KCNJ16: variants seen among roughly 807,000 people sequenced by gnomAD.
KCNJ16 encodes inward rectifier potassium channel 16.
A neutral mutation model predicts 18.5 loss-of-function variants in KCNJ16; 15 were observed. The observed-to-expected ratio is 0.81, with a 90% confidence interval of 0.54 to 1.25. The LOEUF is 1.25. KCNJ16 is among the 50% of genes most tolerant of loss of function. KCNJ16 has a pLI of 0.00. For missense variants in KCNJ16, 523 were observed against 525.7 expected (o/e 0.99, Z 0.05); for synonymous variants, 174 against 186.5 (o/e 0.93, Z 0.55).
At chr17:70,079,795 C>A (rs1254164920) in intron 1 of KCNJ16, among the ~76,000 whole-genome samples, 1 of 152,166 alleles carries the variant, frequency 6.6e-6, no homozygotes, top group Non-Finnish European at 1.5e-5. Flanking sequence ...CTCCGCCTCC[C>A]AGGTTCAAGC....
At chr17:70,087,632 G>A (rs1405754809) in intron 1 of KCNJ16, among the ~76,000 whole-genome samples, 5 of 152,030 alleles carry the variant, frequency 3.3e-5, no homozygotes, top group East Asian at 1.9e-4. Flanking sequence ...GCTTGAACCC[G>A]GGAGGCAGAG....
intron 1 of KCNJ16, among the ~76,000 whole-genome samples, chr17:70,078,699 A>T (rs1433701199): frequency 1.3e-5 from 2 of 152,204 alleles, no homozygotes; most frequent in Non-Finnish European, 2.9e-5. Context: ...AAGATAACAA[A>T]GATCTGGTCC....
At chr17:70,110,125 C>A (rs1276220759) in intron 2 of KCNJ16, among the ~76,000 whole-genome samples, 2 of 152,148 alleles carry the variant, frequency 1.3e-5, no homozygotes, top group African/African-American at 4.8e-5. Flanking sequence ...TCTTTTATCT[C>A]TAATTTGACA....
intron 1 of KCNJ16, among the ~76,000 whole-genome samples, chr17:70,080,512 T>C (rs1273504559): frequency 6.6e-6 from 1 of 152,206 alleles, no homozygotes; most frequent in Non-Finnish European, 1.5e-5. Context: ...ATTTGTCTTA[T>C]AGCCTCAAAT....
At position 70,132,155 on chromosome 17, in the gene KCNJ16, A is replaced by C. The variant is rs780904373; in HGVS notation, c.68A>C (p.Glu23Ala). Residue 23 changes from glutamate to alanine, a missense_variant, in exon 4 of 4, where the codon GAG (glutamate) becomes GCG (alanine). By Grantham distance (107) the Glu-to-Ala change is moderately radical. Transcript: ENST00000392671. ...GCAAAATACCCAGGCTACCCGCCAG[A>C]GCACATTATAGCTGAGAAGAGAAGA... ...ADAKYPGYPPEHIIAEKRRAR... is the reference protein window; with the variant it reads ...ADAKYPGYPPAHIIAEKRRAR... 3.1e-6 allele frequency: 5 copies of C among 1,614,104 alleles called. No individual in the cohort carries two copies. Among genetic ancestry groups the C allele is most frequent in the Non-Finnish European group, 4.2e-6 (5 of 1,180,042 alleles).
In KCNJ16 at chr17:70,132,468, G is replaced by T. The variant is rs764901446; in HGVS notation, c.381G>T (p.Glu127Asp). 5 of 1,613,956 alleles carry T rather than the reference G, an allele frequency of 3.1e-6. No individual in the cohort carries two copies. The highest frequency in any genetic ancestry group is 4.2e-6 in the Non-Finnish European group (5 of 1,180,030). The change falls in exon 4 of 4, where the codon GAG becomes GAT. Residue 127 changes from glutamate (E) to aspartate (D), a missense_variant. Coordinates refer to ENST00000392671, the MANE Select transcript of KCNJ16 (RefSeq NM_170741.4). ...SFTGAFLFSL[E>D]TQTTIGYGYR... ...CAGGGGCCTTTTTGTTCTCCCTAGA[G>T]ACCCAAACCACCATAGGATATGGTT...
At chr17:70,110,482 G>GCACACACACACACACA (rs34424075) in intron 2 of KCNJ16, among the ~76,000 whole-genome samples, 20 of 149,878 alleles carry the variant, frequency 1.3e-4, no homozygotes, top group Middle Eastern at 6.9e-3. Flanking sequence ...CTTCGTGCGC[G>GCACACACACACACACA]CACACACACA....
chr17:70,117,963 G>C (rs1316842796), intron 2 of KCNJ16, among the ~76,000 whole-genome samples: 1 of 152,158 alleles, frequency 6.6e-6, no homozygotes, highest in Admixed American at 6.6e-5. Context: ...AATATTTTAA[G>C]CTTTGTGGAC....
chr17:70,097,991 T>C (rs2072456631), intron 1 of KCNJ16, among the ~76,000 whole-genome samples: 1 of 152,180 alleles, frequency 6.6e-6, no homozygotes, highest in South Asian at 2.1e-4. Context: ...GCTAATCAGA[T>C]TGTGTTAGTC....
chr17:70,082,497 T>C (rs944500237), intron 1 of KCNJ16, among the ~76,000 whole-genome samples: 2 of 152,152 alleles, frequency 1.3e-5, no homozygotes, highest in East Asian at 1.9e-4. Flanking sequence ...TAATTGAACA[T>C]GTGGAGAGCA....
At chr17:70,120,808 A>T (rs2073605420) in intron 2 of KCNJ16, among the ~76,000 whole-genome samples, 1 of 152,218 alleles carries the variant, frequency 6.6e-6, no homozygotes, top group South Asian at 2.1e-4. Flanking sequence ...TTACAACTCA[A>T]CATGAGATTT....
At chr17:70,131,191 T>C (rs1417098416) in intron 3 of KCNJ16, among the ~76,000 whole-genome samples, 1 of 115,538 alleles carries the variant, frequency 8.7e-6, no homozygotes, top group Non-Finnish European at 1.6e-5. Context: ...GAGCTGCCAG[T>C]GTCAAAAAAA....
At chr17:70,092,531 CAGATAGATAT>C (rs1383664707) in intron 1 of KCNJ16, among the ~76,000 whole-genome samples, 2 of 100,046 alleles carry the variant, frequency 2.0e-5, no homozygotes, top group African/African-American at 8.9e-5. Context: ...GATACATAGA[CAGATAGATAT>C]AGATAGATAT....
chr17:70,122,812 G>A (rs944161415), intron 2 of KCNJ16, among the ~76,000 whole-genome samples: 53 of 152,036 alleles, frequency 3.5e-4, no homozygotes, highest in African/African-American at 1.2e-3. Flanking sequence ...ACTCTGCGTC[G>A]CTTCCTCAAG....
At chr17:70,080,488 G>A (rs2071506426) in intron 1 of KCNJ16, among the ~76,000 whole-genome samples, 1 of 152,016 alleles carries the variant, frequency 6.6e-6, no homozygotes, top group African/African-American at 2.4e-5. Flanking sequence ...AATATTTTGA[G>A]CTCGGGCCCA....
intron 1 of KCNJ16, among the ~76,000 whole-genome samples, chr17:70,088,489 G>A (rs1334864146): frequency 6.6e-6 from 1 of 152,196 alleles, no homozygotes; most frequent in Non-Finnish European, 1.5e-5. Context: ...CCTGGGGGTT[G>A]AGGACCCCTG....
chr17:70,099,591 CT>C (rs2072534166), intron 1 of KCNJ16, among the ~76,000 whole-genome samples: 1 of 151,954 alleles, frequency 6.6e-6, no homozygotes, highest in Admixed American at 6.6e-5. Context: ...TGTGGAGGAG[CT>C]GGGGCAATAA....
At chr17:70,115,026 C>T (rs8073266) in intron 2 of KCNJ16, among the ~76,000 whole-genome samples, 6 of 151,972 alleles carry the variant, frequency 3.9e-5, no homozygotes, top group Admixed American at 2.6e-4. Context: ...GGCTCAAAGA[C>T]GTCGATTAGT....
At chr17:70,079,155 G>C (rs2071441145) in intron 1 of KCNJ16, among the ~76,000 whole-genome samples, 1 of 152,144 alleles carries the variant, frequency 6.6e-6, no homozygotes, top group African/African-American at 2.4e-5. Flanking sequence ...AAATCTGTAG[G>C]GCGGGCTGGT....
Sources: gnomAD v4.1 joint callset for allele counts (sites outside exome capture counted in the v4.1 genomes callset) on GRCh38, gnomAD v4.1.1 for gene constraint, MANE v1.5 for transcripts, NCBI Gene and HGNC (gene_info 2026-07-23, HGNC 2026-07-21) for gene names.